The following PPP6R2 variants were observed in gnomAD, a reference collection of about 807,000 sequenced individuals.
PPP6R2 encodes protein phosphatase 6 regulatory subunit 2, also known as serine/threonine-protein phosphatase 6 regulatory subunit 2.
A neutral mutation model predicts 100.2 loss-of-function variants in PPP6R2; 62 were observed. The observed-to-expected ratio is 0.62, with a 90% CI of 0.50 to 0.76. The LOEUF (loss-of-function observed/expected upper bound fraction) is 0.76. Among genes scored for constraint, PPP6R2 ranks in the 30% least tolerant of loss-of-function variants. The pLI is 0.00. For synonymous variants in PPP6R2, 525 were observed against 514.7 expected, an observed-to-expected ratio of 1.02 and a Z score of -0.27; for missense variants, 1,142 against 1,276.3, an observed-to-expected ratio of 0.89 and a Z score of 1.60.
chr22:50,361,884 G>T (rs1289760074), intron 1 of PPP6R2, among the ~76,000 whole-genome samples: 1 of 152,132 alleles, frequency 6.6e-6, no homozygotes, highest in Non-Finnish European at 1.5e-5. Context: ...CCCCTTGGAG[G>T]CATCTGGTAT....
intron 2 of PPP6R2, chr22:50,391,875 CT>C (rs1312434871): frequency 6.7e-6 from 1 of 149,958 alleles, no homozygotes; most frequent in Non-Finnish European, 1.5e-5. Context: ...AGGCTTCCAC[CT>C]TCTCTGTGGC....
At position 50,380,361 on chromosome 22, in the gene PPP6R2, C is replaced by G. The variant is rs1428343673; in HGVS notation, c.-17+8211C>G. 2.7e-5 allele frequency among the ~76,000 whole-genome samples: 4 copies of G among 149,656 alleles called. No individual in the cohort carries two copies. The East Asian group carries it at 8.1e-4, about 30-fold the overall frequency. On this transcript the variant is annotated intron_variant, in intron 2 of 23. Coordinates refer to ENST00000612753, the MANE Select transcript of PPP6R2 (RefSeq NM_001242898.2). ...GCTGGGTTACAGGCGTGAGCCACCA[C>G]GCCTGATGTTTTTTTTTTTGAGATG...
intron 6 of PPP6R2, 110 bp from the exon 7 acceptor site, chr22:50,418,757 C>G (rs1282341888): frequency 1.1e-5 from 9 of 810,764 alleles, no homozygotes; most frequent in African/African-American, 1.7e-5. Flanking sequence ...CAACGAAAGT[C>G]TAGCATCTGC....
chr22:50,427,912 G>A (rs2062460831), intron 10 of PPP6R2, among the ~76,000 whole-genome samples: 1 of 152,082 alleles, frequency 6.6e-6, no homozygotes, highest in African/African-American at 2.4e-5. Context: ...AGTAGAGACA[G>A]GGTTTCACCA....
intron 10 of PPP6R2, among the ~76,000 whole-genome samples, chr22:50,427,218 G>A (rs192008173): frequency 1.3e-5 from 2 of 151,662 alleles, no homozygotes; most frequent in Admixed American, 1.3e-4. Flanking sequence ...CTGGTGATGT[G>A]TGCAAAGGTT....
upstream of PPP6R2, among the ~76,000 whole-genome samples, chr22:50,341,248 C>G (rs1402817914): frequency 6.6e-6 from 1 of 151,532 alleles, no homozygotes; most frequent in Non-Finnish European, 1.5e-5. Flanking sequence ...TTCTGTTACC[C>G]GGGCTGGAAT....
At chr22:50,336,371 A>T in the PPP6R2 span, among the ~76,000 whole-genome samples, 4 of 151,996 alleles carry the variant, frequency 2.6e-5, no homozygotes, top group African/African-American at 2.4e-5. Flanking sequence ...CAGCAGGGTC[A>T]TTATTTTATT....
intron 13 of PPP6R2, among the ~76,000 whole-genome samples, chr22:50,435,332 A>G (rs5770859): frequency 0.4 from 61,274 of 152,158 alleles, 12,877 homozygotes; most frequent in East Asian, 0.75. Flanking sequence ...CACAAGAGAC[A>G]GTCCCTCCCG....
chr22:50,400,542 G>T (rs968312349), intron 3 of PPP6R2, among the ~76,000 whole-genome samples: 3 of 152,176 alleles, frequency 2.0e-5, no homozygotes, highest in Non-Finnish European at 4.4e-5. Context: ...CTCTCTGAGG[G>T]CATTTAGGTT....
At chr22:50,336,486 C>T in the PPP6R2 span, among the ~76,000 whole-genome samples, 1 of 152,138 alleles carries the variant, frequency 6.6e-6, no homozygotes, top group Non-Finnish European at 1.5e-5. Flanking sequence ...AGTGATTCTC[C>T]TGCCTCAGCC....
intron 2 of PPP6R2, among the ~76,000 whole-genome samples, chr22:50,383,738 A>G (rs563166768): frequency 6.6e-6 from 1 of 152,138 alleles, no homozygotes; most frequent in Admixed American, 6.6e-5. Context: ...AAATTAACTT[A>G]AAAAGGAAAA....
intron 19 of PPP6R2, 23 bp downstream of exon 19, chr22:50,438,785 G>A (rs1396035061): frequency 6.4e-7 from 1 of 1,570,874 alleles, no homozygotes; most frequent in Non-Finnish European, 8.6e-7. Flanking sequence ...GCCAGGGGCT[G>A]GGAGTGTGGG....
chr22:50,420,837 A>G (rs1024010820), intron 8 of PPP6R2, among the ~76,000 whole-genome samples: 1 of 152,214 alleles, frequency 6.6e-6, no homozygotes, highest in Non-Finnish European at 1.5e-5. Flanking sequence ...CTCTGGATTC[A>G]GGTTCCCCAC....
At chr22:50,373,169 A>G (rs2050650506) in intron 2 of PPP6R2, among the ~76,000 whole-genome samples, 2 of 151,790 alleles carry the variant, frequency 1.3e-5, no homozygotes, top group Non-Finnish European at 1.5e-5. Flanking sequence ...GCAATATAAG[A>G]TACTCTTACG....
In PPP6R2 at chr22:50,436,471, GC is replaced by G; in HGVS notation, c.1602+24del. 1 of 1,568,014 alleles carries G rather than the reference GC, an allele frequency of 6.4e-7. No individual in the cohort carries two copies. The highest frequency in any genetic ancestry group is 8.6e-7 in the Non-Finnish European group (1 of 1,156,430). On this transcript the variant is annotated intron_variant, in intron 14 of 23. Transcript: ENST00000612753. ...GGACCTGGTGAGGAGGCTCGGGGCT[GC>G]CCCCTCGGTGCACGCACGGTGCTGG...
At chr22:50,342,083 C>T (rs118113658), upstream of PPP6R2, among the ~76,000 whole-genome samples, 796 of 152,240 alleles carry the variant, frequency 5.2e-3, 42 homozygotes, top group East Asian at 0.13. Flanking sequence ...CAGAGTTGCA[C>T]GTGCTCACGG....
intron 3 of PPP6R2, among the ~76,000 whole-genome samples, chr22:50,398,226 C>A (rs1015586830): frequency 1.3e-5 from 2 of 148,250 alleles, no homozygotes; most frequent in Non-Finnish European, 3.0e-5. Context: ...GGCTGGAGTA[C>A]GGTGGTGCGA....
chr22:50,351,958 T>C (rs2045386451), intron 1 of PPP6R2, among the ~76,000 whole-genome samples: 1 of 152,190 alleles, frequency 6.6e-6, no homozygotes, highest in Non-Finnish European at 1.5e-5. Context: ...CATGCCCAGC[T>C]AATTTTTTTG....
At chr22:50,391,411 C>G (rs1283078562) in intron 2 of PPP6R2, among the ~76,000 whole-genome samples, 1 of 122,156 alleles carries the variant, frequency 8.2e-6, no homozygotes, top group African/African-American at 3.4e-5. Context: ...CCAGCCTGGG[C>G]TACAGAGTGA....
Sources: allele counts gnomAD v4.1 joint callset (sites outside exome capture counted in the v4.1 genomes callset), GRCh38; gene constraint gnomAD v4.1.1; transcripts MANE v1.5; gene names NCBI Gene and HGNC (gene_info 2026-07-23, HGNC 2026-07-21).